Variants in TPTE2 observed in about 807,000 individuals in gnomAD.
TPTE2 encodes transmembrane phosphoinositide 3-phosphatase and tensin homolog 2.
Under a neutral mutation model 78.6 loss-of-function variants are expected in TPTE2, and 53 were observed. The observed-to-expected ratio is 0.67, with a 90% confidence interval of 0.54 to 0.85. The LOEUF (loss-of-function observed/expected upper bound fraction) is 0.85. Among genes scored for constraint, TPTE2 ranks in the 40% least tolerant of loss-of-function variants. TPTE2 has a pLI of 0.00. For missense variants in TPTE2, 461 were observed against 623.0 expected, an observed-to-expected ratio of 0.74 and a Z score of 2.77; for synonymous variants, 175 against 206.2, an observed-to-expected ratio of 0.85 and a Z score of 1.30.
intron 10 of TPTE2, among the ~76,000 whole-genome samples, chr13:19,456,709 G>A (rs1282289762): frequency 1.3e-5 from 2 of 152,164 alleles, no homozygotes; most frequent in African/African-American, 2.4e-5. Context: ...ATTTTTACAT[G>A]TCAAGTCTCT....
chr13:19,437,269 G>A (rs1877166017), intron 14 of TPTE2, among the ~76,000 whole-genome samples: 1 of 152,196 alleles, frequency 6.6e-6, no homozygotes, highest in African/African-American at 2.4e-5. Flanking sequence ...TGGAATTGGA[G>A]TCTGGGCATT....
intron 3 of TPTE2, among the ~76,000 whole-genome samples, chr13:19,490,140 C>T (rs1880915753): frequency 6.6e-6 from 1 of 152,086 alleles, no homozygotes; most frequent in Admixed American, 6.5e-5. Flanking sequence ...AACTTAAGTG[C>T]AGTTCTTTAT....
At chr13:19,487,762 C>T (rs1880748283) in intron 3 of TPTE2, among the ~76,000 whole-genome samples, 1 of 152,186 alleles carries the variant, frequency 6.6e-6, no homozygotes, top group South Asian at 2.1e-4. Context: ...AGGGCACACT[C>T]AAGAGATGAC....
At chr13:19,521,291 T>C (rs1208148279) in intron 1 of TPTE2, among the ~76,000 whole-genome samples, 2 of 151,996 alleles carry the variant, frequency 1.3e-5, no homozygotes, top group Non-Finnish European at 2.9e-5. Flanking sequence ...TTTTGATGGA[T>C]TGATCCTCTT....
rs573777895 is a variant in TPTE2 at position 19,496,779 on chromosome 13, G to A, written c.12-3278C>T. Among the ~76,000 whole-genome samples the A allele has an allele frequency of 5.5e-4, 83 of 152,244 alleles. 1 individual carries two copies. The highest frequency in any genetic ancestry group is 1.9e-3 in the African/African-American group (80 of 41,552). ...AAATCTGAGTCCTTTAAGAAGCTGC[G>A]AAATCTCGGAGGAGGAGCCAAGATG... On this transcript the variant is annotated intron_variant, in intron 1 of 19. Transcript: ENST00000400230.
the TPTE2 span, among the ~76,000 whole-genome samples, chr13:19,544,868 G>A: frequency 1.3e-5 from 2 of 151,884 alleles, no homozygotes; most frequent in East Asian, 3.9e-4. Context: ...TGCTACTGCA[G>A]TCCAGCCCAG....
At chr13:19,425,057 G>A in intron 18 of TPTE2, 40 bp from the exon 22 acceptor site, 1 of 1,005,098 alleles carries the variant, frequency 9.9e-7, no homozygotes, top group Non-Finnish European at 1.5e-6. Flanking sequence ...CTGACACCAG[G>A]AACTAATCAT....
chr13:19,559,258 A>AT, the TPTE2 span, among the ~76,000 whole-genome samples: 4 of 152,094 alleles, frequency 2.6e-5, no homozygotes, highest in Non-Finnish European at 5.9e-5. Flanking sequence ...TAGTATATAT[A>AT]TTTTTTCTCA....
upstream of TPTE2, among the ~76,000 whole-genome samples, chr13:19,537,288 C>T (rs1871266877): frequency 6.7e-6 from 1 of 148,756 alleles, no homozygotes; most frequent in Non-Finnish European, 1.5e-5. Context: ...GGCTGGAGTG[C>T]AGTGGCGCGA....
the TPTE2 span, among the ~76,000 whole-genome samples, chr13:19,554,252 G>A: frequency 6.6e-6 from 1 of 152,000 alleles, no homozygotes; most frequent in African/African-American, 2.4e-5. Context: ...GCAGGCGCCT[G>A]TAGTCCCAGC....
upstream of TPTE2, among the ~76,000 whole-genome samples, chr13:19,506,864 T>C (rs908385195): frequency 7.2e-5 from 11 of 152,174 alleles, no homozygotes; most frequent in African/African-American, 2.4e-4. Flanking sequence ...CCCAACCTGG[T>C]AGAATCTCAT....
intron 13 of TPTE2, among the ~76,000 whole-genome samples, chr13:19,441,218 G>A (rs1250012296): frequency 6.6e-6 from 1 of 152,004 alleles, no homozygotes; most frequent in Non-Finnish European, 1.5e-5. Context: ...CTAAACAATG[G>A]GTGCTCATGG....
At chr13:19,455,596 C>T (rs1228542834) in intron 10 of TPTE2, among the ~76,000 whole-genome samples, 1 of 145,924 alleles carries the variant, frequency 6.9e-6, no homozygotes, top group Non-Finnish European at 1.5e-5. Flanking sequence ...AATTGTAGAC[C>T]AGCTGATAAA....
At chr13:19,548,601 C>A in the TPTE2 span, among the ~76,000 whole-genome samples, 1 of 151,034 alleles carries the variant, frequency 6.6e-6, no homozygotes, top group Admixed American at 6.6e-5. Context: ...GCCACTGAAG[C>A]CTCTAAATTG....
intron 6 of TPTE2, among the ~76,000 whole-genome samples, chr13:19,472,689 G>C (rs552992102): frequency 6.6e-6 from 1 of 152,246 alleles, no homozygotes; most frequent in Non-Finnish European, 1.5e-5. Flanking sequence ...CATTTGGTGA[G>C]GTCATGTTTT....
chr13:19,547,722 T>TAC, the TPTE2 span, among the ~76,000 whole-genome samples: 1,326 of 106,910 alleles, frequency 0.012, 32 homozygotes, highest in African/African-American at 0.045. Context: ...TAAATATACA[T>TAC]ATATATATAT....
the TPTE2 span, among the ~76,000 whole-genome samples, chr13:19,559,155 T>G: frequency 6.6e-6 from 1 of 152,202 alleles, no homozygotes; most frequent in Non-Finnish European, 1.5e-5. Flanking sequence ...TTTTAGTCAG[T>G]GCTGGCTGTA....
intron 10 of TPTE2, among the ~76,000 whole-genome samples, chr13:19,461,933 CTT>C (rs60926599): frequency 1.5e-5 from 2 of 134,332 alleles, no homozygotes; most frequent in African/African-American, 2.8e-5. Flanking sequence ...ACAGTTGGGT[CTT>C]TTTTTTTTTT....
At chr13:19,532,241 G>C (rs987986352) in intron 1 of TPTE2, among the ~76,000 whole-genome samples, 1 of 152,160 alleles carries the variant, frequency 6.6e-6, no homozygotes, top group Non-Finnish European at 1.5e-5. Flanking sequence ...GCTATGGTTT[G>C]AATGTGTCTC....
Sources: allele counts gnomAD v4.1 joint callset (sites outside exome capture counted in the v4.1 genomes callset), GRCh38; gene constraint gnomAD v4.1.1; transcripts MANE v1.5; gene names NCBI Gene and HGNC (gene_info 2026-07-23, HGNC 2026-07-21).